DCC: variants seen among roughly 807,000 people sequenced by gnomAD.
The protein encoded by DCC is DCC netrin 1 receptor, also known as netrin receptor DCC.
DCC carries 58 observed loss-of-function variants against 172.5 expected under a neutral mutation model. The ratio of observed to expected loss-of-function variants is 0.34; its 90% confidence interval spans 0.27 to 0.42. DCC has a LOEUF of 0.42. Among genes scored for constraint, DCC ranks in the 10% least tolerant of loss-of-function variants. The probability of loss-of-function intolerance (pLI) is 1.00; values close to 1 mark genes in which losing one functional copy is unlikely to be tolerated. For missense variants in DCC, 1,740 were observed against 1,791.0 expected (o/e 0.97, Z 0.51); for synonymous variants, 709 against 644.5 (o/e 1.10, Z -1.52).
chr18:52,436,820 TGA>T (rs1987811108), intron 1 of DCC, among the ~76,000 whole-genome samples: 1 of 152,188 alleles, frequency 6.6e-6, no homozygotes, highest in Admixed American at 6.5e-5. Context: ...CTCAGGAGGC[TGA>T]GGCACAAGAA....
intron 5 of DCC, among the ~76,000 whole-genome samples, chr18:53,059,116 C>T (rs1272828290): frequency 6.6e-6 from 1 of 152,014 alleles, no homozygotes; most frequent in African/African-American, 2.4e-5. Flanking sequence ...GGGGGAAAAG[C>T]CTCTTATAAA....
At chr18:52,828,195 C>G (rs1473484850) in intron 2 of DCC, among the ~76,000 whole-genome samples, 1 of 152,158 alleles carries the variant, frequency 6.6e-6, no homozygotes, top group Non-Finnish European at 1.5e-5. Flanking sequence ...AGATTGTTTT[C>G]TACTACACAG....
intron 21 of DCC, among the ~76,000 whole-genome samples, chr18:53,432,879 G>A (rs1331518072): frequency 6.6e-6 from 1 of 152,044 alleles, no homozygotes; most frequent in Non-Finnish European, 1.5e-5. Flanking sequence ...TCTGTCTTTA[G>A]ATCAAGAGAT....
At position 53,530,893 on chromosome 18, in the gene DCC, A is replaced by C. The variant is rs1258479980; in HGVS notation, c.*240A>C. 4 of 594,792 alleles carry C rather than the reference A, an allele frequency of 6.7e-6. No homozygotes were observed. The highest frequency in any genetic ancestry group is 1.2e-5 in the Non-Finnish European group (4 of 330,444). The allele number at this position is 594,792 out of a possible 1,614,324, so 36.8% of individuals were successfully genotyped here. ...TAAACAAAAGCAAAGATGCATTTTCACTGCAATGTCAAAGTTTAAGCTGCT... is the reference window on the plus strand; with the variant it reads ...TAAACAAAAGCAAAGATGCATTTTCCCTGCAATGTCAAAGTTTAAGCTGCT... On this transcript the variant is annotated 3_prime_UTR_variant, in exon 29 of 29. Coordinates refer to ENST00000442544, the MANE Select transcript of DCC (RefSeq NM_005215.4).
intron 5 of DCC, among the ~76,000 whole-genome samples, chr18:53,013,935 A>T (rs2041768756): frequency 1.3e-5 from 2 of 152,178 alleles, no homozygotes; most frequent in South Asian, 4.1e-4. Flanking sequence ...AACCATAGAT[A>T]GATACTTATA....
intron 16 of DCC, among the ~76,000 whole-genome samples, chr18:53,386,754 G>A (rs950699254): frequency 6.6e-6 from 1 of 152,166 alleles, no homozygotes. Flanking sequence ...GGACTGTAAA[G>A]GCAGTACATA....
In DCC at chr18:53,445,933, G is replaced by GT. The variant is rs201925213; in HGVS notation, c.3230-4559dup. 1.6e-3 allele frequency among the ~76,000 whole-genome samples: 244 copies of GT among 151,106 alleles called. 2 individuals carry two copies. The highest frequency in any genetic ancestry group is 5.6e-3 in the African/African-American group (230 of 41,260). The stretch of plus-strand genomic sequence containing the variant: ...AGAGACAGGTATATTATGATACAAG[G>GT]TTTTTTTTCCTTTAAACTGGGAACA... On this transcript the variant is annotated intron_variant, in intron 22 of 28. Coordinates refer to ENST00000442544, the MANE Select transcript of DCC (RefSeq NM_005215.4).
rs545870976 is a variant in DCC at position 52,971,171 on chromosome 18, C to T, written c.985+45801C>T. On this transcript the variant is annotated intron_variant, in intron 5 of 28. Transcript: ENST00000442544. ...GCTTTTTCCTTGGCCTTTTCTTTTT[C>T]GTTAGTGCAGCTTCTAGAGCCTCAT... is the stretch of plus-strand genomic sequence containing the variant. 3.3e-5 allele frequency among the ~76,000 whole-genome samples: 5 copies of T among 152,102 alleles called. No individual in the cohort carries two copies. The East Asian group carries it at 9.7e-4, about 29-fold the overall frequency.
chr18:52,919,258 C>A (rs1598929768), intron 3 of DCC, among the ~76,000 whole-genome samples: 1 of 152,194 alleles, frequency 6.6e-6, no homozygotes, highest in African/African-American at 2.4e-5. Flanking sequence ...AAGCAAGATA[C>A]AAGGCCAGGC....
chr18:52,681,495 A>G (rs1408207997), intron 1 of DCC, among the ~76,000 whole-genome samples: 1 of 152,094 alleles, frequency 6.6e-6, no homozygotes, highest in African/African-American at 2.4e-5. Context: ...AAAATTGTTC[A>G]AAAGTAGTGG....
chr18:52,435,944 C>T (rs920390672), intron 1 of DCC, among the ~76,000 whole-genome samples: 16 of 152,184 alleles, frequency 1.1e-4, no homozygotes, highest in Non-Finnish European at 1.6e-4. Flanking sequence ...GCCTTCTAAA[C>T]GATCAGATGA....
chr18:53,439,183 A>G (rs1005044806), intron 22 of DCC, among the ~76,000 whole-genome samples: 2 of 152,228 alleles, frequency 1.3e-5, no homozygotes, highest in Non-Finnish European at 2.9e-5. Flanking sequence ...TGATAAGTAT[A>G]TAATATAACT....
chr18:52,723,322 C>T (rs1049704200), intron 1 of DCC, among the ~76,000 whole-genome samples: 3 of 152,052 alleles, frequency 2.0e-5, no homozygotes, highest in African/African-American at 7.2e-5. Context: ...CAGAATTCAA[C>T]ACAAAAACCA....
At chr18:53,381,336 A>T (rs1907715888) in intron 15 of DCC, among the ~76,000 whole-genome samples, 1 of 152,090 alleles carries the variant, frequency 6.6e-6, no homozygotes, top group African/African-American at 2.4e-5. Flanking sequence ...TAAATTAAGC[A>T]TCTGGGTGGT....
chr18:53,179,418 CATT>C (rs779956687), intron 9 of DCC, among the ~76,000 whole-genome samples: 46 of 152,286 alleles, frequency 3.0e-4, no homozygotes, highest in African/African-American at 5.5e-4. Context: ...TTATCCTCAT[CATT>C]GAGTTTCAGC....
At chr18:52,644,142 G>C (rs1044329736) in intron 1 of DCC, among the ~76,000 whole-genome samples, 1 of 152,170 alleles carries the variant, frequency 6.6e-6, no homozygotes, top group Non-Finnish European at 1.5e-5. Context: ...GTCTGTTTGG[G>C]CTGTGGTATG....
intron 1 of DCC, among the ~76,000 whole-genome samples, chr18:52,580,891 A>T (rs2033528591): frequency 2.0e-5 from 3 of 152,186 alleles, no homozygotes; most frequent in Admixed American, 2.0e-4. Context: ...CAGGTTTCCA[A>T]GATTAGCTAT....
chr18:52,912,846 C>G (rs1329760470), intron 3 of DCC, among the ~76,000 whole-genome samples: 1 of 151,928 alleles, frequency 6.6e-6, no homozygotes, highest in Non-Finnish European at 1.5e-5. Flanking sequence ...CTTTATAATC[C>G]TAGACTTCAA....
At chr18:52,788,620 C>G (rs950456546) in intron 2 of DCC, among the ~76,000 whole-genome samples, 5 of 152,110 alleles carry the variant, frequency 3.3e-5, no homozygotes, top group Admixed American at 3.3e-4. Flanking sequence ...AATTAGAGCT[C>G]TTTTTGTAGA....
Sources: allele counts gnomAD v4.1 joint callset (sites outside exome capture counted in the v4.1 genomes callset), GRCh38; gene constraint gnomAD v4.1.1; transcripts MANE v1.5; gene names NCBI Gene and HGNC (gene_info 2026-07-23, HGNC 2026-07-21).